The following ANKRD27 variants were observed in gnomAD, a reference collection of about 807,000 sequenced individuals.
The protein encoded by ANKRD27 is ankyrin repeat domain-containing protein 27.
A neutral mutation model predicts 129.7 loss-of-function variants in ANKRD27; 112 were observed. The observed-to-expected ratio is 0.86, with a 90% CI of 0.74 to 1.01. ANKRD27 has a LOEUF of 1.01. Ranked by LOEUF, ANKRD27 falls within the 50% of genes least tolerant of loss-of-function variation. The pLI is 0.00. For synonymous variants in ANKRD27, 516 were observed against 511.2 expected (o/e 1.01, Z -0.13); for missense variants, 1,258 against 1,300.5 (o/e 0.97, Z 0.50).
chr19:32,612,273 A>G (rs569484834), intron 22 of ANKRD27, among the ~76,000 whole-genome samples: 3 of 152,310 alleles, frequency 2.0e-5, no homozygotes, highest in African/African-American at 7.2e-5. Flanking sequence ...AAGACTCAAC[A>G]TACGTTGAGT....
chr19:32,670,444 C>T (rs978625692), intron 1 of ANKRD27, among the ~76,000 whole-genome samples: 2 of 151,194 alleles, frequency 1.3e-5, no homozygotes, highest in East Asian at 3.9e-4. Flanking sequence ...GAGGCCGAGG[C>T]GGGCGGATCA....
intron 12 of ANKRD27, among the ~76,000 whole-genome samples, chr19:32,635,385 C>A (rs193156273): frequency 6.6e-6 from 1 of 152,302 alleles, no homozygotes; most frequent in East Asian, 1.9e-4. Flanking sequence ...ACTCTTACTC[C>A]CCAGCCTTGG....
At chr19:32,649,931 C>G in intron 2 of ANKRD27, 139 bp from the exon 3 acceptor site, 1 of 667,380 alleles carries the variant, frequency 1.5e-6, no homozygotes, top group East Asian at 2.5e-5. Context: ...CCCTTGCCAA[C>G]ACGGCCACAG....
Position 32,645,098 on chromosome 19 carries a change from T to C in ANKRD27, c.371-619A>G, listed in dbSNP as rs888585212. Among the ~76,000 whole-genome samples, 8 of 152,188 alleles carry C rather than the reference T, an allele frequency of 5.3e-5. No homozygotes were observed. In the South Asian group the frequency reaches 1.7e-3, roughly 32 times the overall value. On this transcript the variant is annotated intron_variant, in intron 4 of 28. Transcript: ENST00000306065. ...CCATGTGGCTCTTGAATATTTTCCA[T>C]GATGTTTAACCTTTTTTAAAAAAAT...
intron 12 of ANKRD27, 28 bp from the exon 13 acceptor site, chr19:32,631,522 G>T (rs375689382): frequency 1.9e-6 from 3 of 1,582,654 alleles, no homozygotes. Flanking sequence ...AACACACCAC[G>T]AGATGTCAGT....
chr19:32,606,974 A>AG (rs1971751629), intron 23 of ANKRD27, among the ~76,000 whole-genome samples: 1 of 126,696 alleles, frequency 7.9e-6, no homozygotes, highest in African/African-American at 3.1e-5. Flanking sequence ...AAAAAAAAAA[A>AG]GAAAAATTTA....
chr19:32,643,571 C>G lies in ANKRD27; in HGVS notation c.585+1G>C. ...TCCCTCTCAGAAGTCCTGCTGCTTA[C>G]CAGGTGAGAGTCCCTCAGAAGCTGC... On this transcript the variant is annotated splice_donor_variant, in intron 6 of 28. Coordinates refer to ENST00000306065, the MANE Select transcript of ANKRD27 (RefSeq NM_032139.3). LOFTEE classifies it high-confidence loss of function. The G allele has an allele frequency of 6.2e-7, 1 of 1,613,992 alleles. No homozygotes were observed. Among genetic ancestry groups the G allele is most frequent in the East Asian group, 2.2e-5 (1 of 44,872 alleles).
chr19:32,631,476 C>T lies in ANKRD27; in HGVS notation c.1135G>A (p.Asp379Asn). ...AKPPESEGFG[D>N]RLFLKQRMSL... ...ATTCTCTGCTTAAGGAACAGCCTGT[C>T]TCCAAATCCCTCAGACTCCTGCAGG... The change falls in exon 13 of 29, where the codon GAC becomes AAC. Residue 379 changes from aspartate to asparagine, a missense_variant. Coordinates refer to ENST00000306065, the MANE Select transcript of ANKRD27 (RefSeq NM_032139.3). The T allele has an allele frequency of 1.9e-6, 3 of 1,614,084 alleles. No homozygotes were observed. The highest frequency in any genetic ancestry group is 2.5e-6 in the Non-Finnish European group (3 of 1,179,994).
chr19:32,622,372 A>G, intron 18 of ANKRD27, 50 bp downstream of exon 18: 1 of 1,593,024 alleles, frequency 6.3e-7, no homozygotes, highest in Non-Finnish European at 8.6e-7. Context: ...AGCTACGGAC[A>G]TCGATCTTCT....
intron 2 of ANKRD27, among the ~76,000 whole-genome samples, chr19:32,650,188 G>C (rs746306100): frequency 6.6e-6 from 1 of 152,194 alleles, no homozygotes; most frequent in African/African-American, 2.4e-5. Context: ...GACAAGCCCA[G>C]ATGAAGAGAG....
At chr19:32,618,451 G>GAAAAAAAAAAAAAAAAAAAA (rs55674756) in intron 20 of ANKRD27, among the ~76,000 whole-genome samples, 2 of 100,322 alleles carry the variant, frequency 2.0e-5, no homozygotes. Flanking sequence ...GTCCCAAAAA[G>GAAAAAAAAAAAAAAAAAAAA]AAAAAAAAAA....
rs1395015088 is a variant in ANKRD27 at position 32,617,574 on chromosome 19, C to G, written c.2052+15G>C. The stretch of plus-strand genomic sequence containing the variant: ...AAAAATAAAAATAAAATAAAAAGCA[C>G]TTCTAAAAACTCACCATTTCTAGAT... On this transcript the variant is annotated intron_variant, in intron 21 of 28. Coordinates refer to ENST00000306065, the MANE Select transcript of ANKRD27 (RefSeq NM_032139.3). 1.3e-6 allele frequency: 1 copy of G among 746,362 alleles called. No individual in the cohort carries two copies. Among genetic ancestry groups the G allele is most frequent in the Non-Finnish European group, 2.5e-6 (1 of 406,320 alleles). The allele number at this position is 746,362 out of a possible 1,614,324, so 46.2% of individuals were successfully genotyped here. A position where few individuals can be genotyped will look rare whatever the true frequency, so the allele number is the denominator to read the frequency against.
At chr19:32,598,515 C>T in intron 28 of ANKRD27, 137 bp from the exon 29 acceptor site, 3 of 743,188 alleles carry the variant, frequency 4.0e-6, no homozygotes, top group Admixed American at 2.2e-5. Context: ...TCAATTCTCA[C>T]ATCCCTGTCG....
At chr19:32,632,584 C>CA (rs531083631) in intron 12 of ANKRD27, among the ~76,000 whole-genome samples, 5,332 of 105,030 alleles carry the variant, frequency 0.051, 160 homozygotes, top group Middle Eastern at 0.11. Context: ...GACTCCATCT[C>CA]AAAAAAAAAA....
chr19:32,628,787 T>G lies in ANKRD27; in HGVS notation c.1272A>C (p.Lys424Asn), dbSNP rs1455021724. 1 of 1,614,080 alleles carries G rather than the reference T, an allele frequency of 6.2e-7. No individual in the cohort carries two copies. Among genetic ancestry groups the G allele is most frequent in the Admixed American group, 1.7e-5 (1 of 59,988 alleles). ...GGTGACACATCTTTTGGACGGTATC[T>G]TTATCATGGTCCTCTTGGCTCAGAA... ...ERLLSQEDHD[K>N]DTVQKMCHPL... is the part of the protein sequence containing the mutation. The change falls in exon 14 of 29, where the codon AAA (lysine) becomes AAC (asparagine). Residue 424 changes from lysine to asparagine, a missense_variant. Lys to Asn is a moderately conservative substitution (Grantham distance 94). Transcript: ENST00000306065.
At chr19:32,620,775 T>C (rs112317166) in intron 18 of ANKRD27, among the ~76,000 whole-genome samples, 1 of 150,220 alleles carries the variant, frequency 6.7e-6, no homozygotes, top group Non-Finnish European at 1.5e-5. Context: ...TAGTCCCAGC[T>C]ACTCGAGAGC....
At chr19:32,619,131 A>G (rs1189200924) in intron 20 of ANKRD27, 129 bp downstream of exon 20, 5 of 1,263,326 alleles carry the variant, frequency 4.0e-6, no homozygotes, top group Non-Finnish European at 5.4e-6. Context: ...ACCACAGAGC[A>G]GCAGCGGCCT....
At chr19:32,672,299 T>C (rs552212449) in intron 1 of ANKRD27, among the ~76,000 whole-genome samples, 1 of 152,322 alleles carries the variant, frequency 6.6e-6, no homozygotes, top group Non-Finnish European at 1.5e-5. Flanking sequence ...AGCAATGTGG[T>C]GATGTATGTA....
intron 10 of ANKRD27, among the ~76,000 whole-genome samples, 196 bp from the exon 11 acceptor site, chr19:32,640,581 A>G (rs1463748032): frequency 6.6e-6 from 1 of 152,204 alleles, no homozygotes; most frequent in Non-Finnish European, 1.5e-5. Context: ...AATGCCCAGC[A>G]ATTTCAGAAC....
Sources: gnomAD v4.1 joint callset for allele counts (sites outside exome capture counted in the v4.1 genomes callset) on GRCh38, gnomAD v4.1.1 for gene constraint, MANE v1.5 for transcripts, NCBI Gene and HGNC (gene_info 2026-07-23, HGNC 2026-07-21) for gene names.